TESK1: variants seen among roughly 807,000 people sequenced by gnomAD.
The protein encoded by TESK1 is dual specificity testis-specific protein kinase 1.
A neutral mutation model predicts 59.9 loss-of-function variants in TESK1; 18 were observed. The observed-to-expected ratio is 0.30, with a 90% CI of 0.21 to 0.45. The LOEUF is 0.45. TESK1 is among the 20% of genes least tolerant of loss of function. TESK1 has a pLI of 1.00. For missense variants in TESK1, 748 were observed against 840.9 expected (o/e 0.89, Z 1.37); for synonymous variants, 341 against 357.4 (o/e 0.95, Z 0.52).
In TESK1 at chr9:35,608,921, C is replaced by A; in HGVS notation, c.1060C>A (p.Arg354=). The A allele has an allele frequency of 6.2e-7, 1 of 1,613,078 alleles. No homozygotes were observed. Among genetic ancestry groups the A allele is most frequent in the Non-Finnish European group, 8.5e-7 (1 of 1,179,344 alleles). The change falls in exon 10 of 10, where the codon CGA becomes AGA. Residue 354 remains arginine, a synonymous_variant. Transcript: ENST00000336395. ...TLPRPDPRLS[R]SRSDLFLPPS... is the part of the protein sequence containing the mutation. Reference sequence around the variant, plus strand: ...TCCCAGGCCAGATCCCCGGCTTTCCCGAAGCCGGTCAGACCTCTTCCTGCC... The same window carrying A: ...TCCCAGGCCAGATCCCCGGCTTTCCAGAAGCCGGTCAGACCTCTTCCTGCC...
chr9:35,605,914 G>A, intron 1 of TESK1, 70 bp from the exon 2 acceptor site: 1 of 1,607,012 alleles, frequency 6.2e-7, no homozygotes, highest in African/African-American at 1.3e-5. Context: ...CCGGGAGTGC[G>A]GGGAAGAGGG....
At position 35,609,278 on chromosome 9, in the gene TESK1, A is replaced by G; in HGVS notation, c.1417A>G (p.Ser473Gly). The part of the protein sequence containing the change: ...SAEEKMECEG[S>G]SPEPEPPGPA... The stretch of plus-strand genomic sequence containing the variant: ...TGAAGAGAAGATGGAGTGCGAGGGC[A>G]GCAGCCCTGAGCCGGAACCTCCAGG... The change falls in exon 10 of 10, where the codon AGC (serine) becomes GGC (glycine). Residue 473 changes from serine (S) to glycine (G), a missense_variant. Around this residue, in one of 3 missense-constraint regions of TESK1, gnomAD observed 447 missense variants for 466.1 expected, o/e 0.96. Transcript: ENST00000336395. The surrounding 1 kb of genome is among the most constrained non-coding windows in gnomAD (Gnocchi z 6.7). The G allele has an allele frequency of 1.2e-6, 2 of 1,614,072 alleles. No homozygotes were observed. The highest frequency in any genetic ancestry group is 1.7e-6 in the Non-Finnish European group (2 of 1,180,004).
chr9:35,606,701 A>AT (rs1822855731), intron 3 of TESK1, 136 bp from the exon 4 acceptor site: 4 of 744,080 alleles, frequency 5.4e-6, no homozygotes, highest in Admixed American at 3.1e-5. Flanking sequence ...TAGAACATGG[A>AT]TGGGGGGGGT....
chr9:35,609,381 C>G lies in TESK1; in HGVS notation c.1520C>G (p.Ser507Cys). The G allele has an allele frequency of 6.2e-7, 1 of 1,611,368 alleles. No individual in the cohort carries two copies. The highest frequency in any genetic ancestry group is 8.5e-7 in the Non-Finnish European group (1 of 1,178,728). The change falls in exon 10 of 10, where the codon TCC (serine) becomes TGC (cysteine). Residue 507 changes from serine (S) to cysteine (C), a missense_variant. Ser to Cys is a moderately radical substitution (Grantham distance 112). Transcript: ENST00000336395. This position sits in a 1 kb window ranked among gnomAD's most constrained non-coding sequence, Gnocchi z 6.7. ...TGTTCCTCGGCCTCCCAACCCTGGT[C>G]CCCTAGATCAGGACCCGTCCTCAAT... ...STCSSASQPW[S>C]PRSGPVLNNN...
rs201893577 is a variant in TESK1, at chr9:35,607,555, C to T, written c.621-27C>T. The T allele has an allele frequency of 2.3e-3, 3,615 of 1,604,716 alleles. 18 individuals are homozygous for T. The highest frequency in any genetic ancestry group is 0.01 in the South Asian group (938 of 90,860). On this transcript the variant is annotated intron_variant, in intron 5 of 9. Transcript: ENST00000336395. The surrounding 1 kb of genome is among the most constrained non-coding windows in gnomAD (Gnocchi z 4.5). The stretch of plus-strand genomic sequence containing the variant: ...GGGGGGATGCCTGAATAGGATGCTT[C>T]TGACCACTCTGCCCCTGCCCCTGCA...
intron 3 of TESK1, 103 bp from the exon 4 acceptor site, chr9:35,606,734 A>G (rs542442102): frequency 2.7e-5 from 33 of 1,231,018 alleles, no homozygotes; most frequent in Middle Eastern, 5.3e-4. Flanking sequence ...TCTTACCCCT[A>G]TGACCTCTGT....
rs539437734 is a variant in TESK1, at chr9:35,607,217, G to A, written c.538-110G>A. On this transcript the variant is annotated intron_variant, in intron 4 of 9. Transcript: ENST00000336395. The surrounding 1 kb of genome is among the most constrained non-coding windows in gnomAD (Gnocchi z 4.5). ...TGAAGTGCCTTGAAAAACTGGGAGAGCAGAGAGGGTTGGAGTTATGCTGGA... is the reference window on the plus strand; with the variant it reads ...TGAAGTGCCTTGAAAAACTGGGAGAACAGAGAGGGTTGGAGTTATGCTGGA... 2 of 1,430,274 alleles carry A rather than the reference G, an allele frequency of 1.4e-6. No individual in the cohort carries two copies. The highest frequency in any genetic ancestry group is 2.3e-5 in the East Asian group (1 of 43,488). 88.6% of individuals were successfully genotyped at this position (1,430,274 alleles called of 1,614,324 possible).
Position 35,609,482 on chromosome 9 carries a change from C to G in TESK1, c.1621C>G (p.Leu541Val). ...GEPWNRAQHS[L>V]PRAAALERTE... is the part of the protein sequence containing the mutation. ...GCCCTGGAACCGGGCCCAGCATAGC[C>G]TGCCCCGGGCGGCAGCCCTGGAGCG... Residue 541 changes from leucine to valine, a missense_variant, in exon 10 of 10, where the codon CTG becomes GTG. This residue lies in a region of TESK1 where 447 missense variants were observed against 466.1 expected (regional missense o/e 0.96). Coordinates refer to ENST00000336395, the MANE Select transcript of TESK1 (RefSeq NM_006285.3). This position sits in a 1 kb window ranked among gnomAD's most constrained non-coding sequence, Gnocchi z 6.7. 1 of 1,604,416 alleles carries G rather than the reference C, an allele frequency of 6.2e-7. No homozygotes were observed. The highest frequency in any genetic ancestry group is 8.5e-7 in the Non-Finnish European group (1 of 1,174,726).
rs769192962 is a variant in TESK1 at position 35,609,328 on chromosome 9, T to A, written c.1467T>A (p.Ala489=). The change falls in exon 10 of 10, where the codon GCT becomes GCA. Residue 489 remains alanine (A), a synonymous_variant. Coordinates refer to ENST00000336395, the MANE Select transcript of TESK1 (RefSeq NM_006285.3). This position sits in a 1 kb window ranked among gnomAD's most constrained non-coding sequence, Gnocchi z 6.7. The part of the protein sequence containing the change: ...PPGPAPQLPL[A]VATDNFISTC... Reference sequence around the variant, plus strand: ...GGCCAGCGCCCCAGCTGCCTCTGGCTGTGGCCACAGACAACTTCATCAGCA... The same window carrying A: ...GGCCAGCGCCCCAGCTGCCTCTGGCAGTGGCCACAGACAACTTCATCAGCA... The A allele has an allele frequency of 5.6e-6, 9 of 1,613,738 alleles. No homozygotes were observed. The highest frequency in any genetic ancestry group is 8.5e-7 in the Non-Finnish European group (1 of 1,179,968).
Position 35,607,699 on chromosome 9 carries a change from A to G in TESK1, c.711+27A>G. 2 of 1,589,142 alleles carry G rather than the reference A, an allele frequency of 1.3e-6. No homozygotes were observed. Among genetic ancestry groups the G allele is most frequent in the Non-Finnish European group, 1.7e-6 (2 of 1,157,902 alleles). On this transcript the variant is annotated intron_variant, in intron 6 of 9. Transcript: ENST00000336395. The surrounding 1 kb of genome is among the most constrained non-coding windows in gnomAD (Gnocchi z 4.5). ...TGAGACATCAACCCTTCAGATCCCC[A>G]AGGCCTTCCGAGACCCTTGAGGTAT...
rs955875404 is a variant in TESK1 at position 35,609,843 on chromosome 9, C to G, written c.*101C>G. The G allele has an allele frequency of 1.5e-6, 2 of 1,347,960 alleles. No homozygotes were observed. Among genetic ancestry groups the G allele is most frequent in the Admixed American group, 2.8e-5 (1 of 35,588 alleles). 83.5% of individuals were successfully genotyped at this position (1,347,960 alleles called of 1,614,324 possible). ...CAGTGCCAGTTCCAGATGGGCTGAC[C>G]GGCTCTTCTCCCCGTGTAGGGGAGC... On this transcript the variant is annotated 3_prime_UTR_variant, in exon 10 of 10. Coordinates refer to ENST00000336395, the MANE Select transcript of TESK1 (RefSeq NM_006285.3). The surrounding 1 kb of genome is among the most constrained non-coding windows in gnomAD (Gnocchi z 6.7).
In TESK1 at chr9:35,609,643, C is replaced by T. The variant is rs767978520; in HGVS notation, c.1782C>T (p.Tyr594=). 1 of 1,608,468 alleles carries T rather than the reference C, an allele frequency of 6.2e-7. No homozygotes were observed. Among genetic ancestry groups the T allele is most frequent in the Middle Eastern group, 1.6e-4 (1 of 6,062 alleles). The change falls in exon 10 of 10, where the codon TAC becomes TAT. Residue 594 remains tyrosine (Y), a synonymous_variant. Coordinates refer to ENST00000336395, the MANE Select transcript of TESK1 (RefSeq NM_006285.3). This position sits in a 1 kb window ranked among gnomAD's most constrained non-coding sequence, Gnocchi z 6.7. The part of the protein sequence containing the change: ...CPRPTPAVAR[Y]RNLNCEAGSL... ...GCCCCACACCAGCTGTTGCCCGCTA[C>T]CGCAACCTGAACTGTGAGGCGGGCA...
chr9:35,610,031 C>T lies in TESK1; in HGVS notation c.*289C>T. On this transcript the variant is annotated 3_prime_UTR_variant, in exon 10 of 10. Coordinates refer to ENST00000336395, the MANE Select transcript of TESK1 (RefSeq NM_006285.3). ...CTGCCTGGCTGGCTCCGGGCCGCCC[C>T]TATCCGCTCAGCCCGTGCGCCCTCC... is the stretch of plus-strand genomic sequence containing the variant. The T allele has an allele frequency of 2.6e-6, 1 of 384,156 alleles. No homozygotes were observed. Among genetic ancestry groups the T allele is most frequent in the Non-Finnish European group, 4.7e-6 (1 of 214,368 alleles). The allele number at this position is 384,156 out of a possible 1,614,324, so 23.8% of individuals were successfully genotyped here.
rs1563892816 is a variant in TESK1, at chr9:35,609,467, CG to C, written c.1609del (p.Ala537ProfsTer61). On this transcript the variant is annotated frameshift_variant, in exon 10 of 10. Transcript: ENST00000336395. LOFTEE classifies it high-confidence loss of function. The surrounding 1 kb of genome is among the most constrained non-coding windows in gnomAD (Gnocchi z 6.7). The part of the protein sequence containing the change: ...PQGWAGEPWN[R>X]AQHSLPRAAA... Reference sequence around the variant, plus strand: ...AGGCTGGGCTGGGGAGCCCTGGAACCGGGCCCAGCATAGCCTGCCCCGGGCG... The same window carrying C: ...AGGCTGGGCTGGGGAGCCCTGGAACCGGCCCAGCATAGCCTGCCCCGGGCG... 1 of 1,606,170 alleles carries C rather than the reference CG, an allele frequency of 6.2e-7. No homozygotes were observed. Among genetic ancestry groups the C allele is most frequent in the Admixed American group, 1.7e-5 (1 of 59,300 alleles).
rs745783761 is a variant in TESK1 at position 35,608,889 on chromosome 9, C to G, written c.1028C>G (p.Ala343Gly). Residue 343 changes from alanine (A) to glycine (G), a missense_variant, in exon 10 of 10, where the codon GCC (alanine) becomes GGC (glycine). Ala to Gly is a moderately conservative substitution (Grantham distance 60). Coordinates refer to ENST00000336395, the MANE Select transcript of TESK1 (RefSeq NM_006285.3). ...QGSVARGGPSATLPRPDPRLS... is the reference protein window; with the variant it reads ...QGSVARGGPSGTLPRPDPRLS... ...TCTGTTGCAAGAGGGGGTCCCTCTG[C>G]CACGCTTCCCAGGCCAGATCCCCGG... 13 of 1,598,518 alleles carry G rather than the reference C, an allele frequency of 8.1e-6. No homozygotes were observed. The highest frequency in any genetic ancestry group is 1.1e-5 in the Non-Finnish European group (13 of 1,171,184).
chr9:35,607,794 C>T lies in TESK1; in HGVS notation c.711+122C>T. On this transcript the variant is annotated intron_variant, in intron 6 of 9. Coordinates refer to ENST00000336395, the MANE Select transcript of TESK1 (RefSeq NM_006285.3). This position sits in a 1 kb window ranked among gnomAD's most constrained non-coding sequence, Gnocchi z 4.5. ...TCAGGAGTCCCCAAGATCCCTTTGCCCCTCACAGGCACCCTTCTAACACAT... is the reference window on the plus strand; with the variant it reads ...TCAGGAGTCCCCAAGATCCCTTTGCTCCTCACAGGCACCCTTCTAACACAT... The T allele has an allele frequency of 7.9e-7, 1 of 1,261,664 alleles. No individual in the cohort carries two copies. The highest frequency in any genetic ancestry group is 2.1e-5 in the Admixed American group (1 of 48,676). The allele number at this position is 1,261,664 out of a possible 1,614,324, so 78.2% of individuals were successfully genotyped here.
Position 35,609,618 on chromosome 9 carries a change from G to A in TESK1, c.1757G>A (p.Arg586His), listed in dbSNP as rs773235606. Residue 586 changes from arginine (R) to histidine (H), a missense_variant, in exon 10 of 10, where the codon CGC (arginine) becomes CAC (histidine). Arg to His is a conservative substitution (Grantham distance 29). Around this residue, in one of 3 missense-constraint regions of TESK1, gnomAD observed 447 missense variants for 466.1 expected, o/e 0.96. Coordinates refer to ENST00000336395, the MANE Select transcript of TESK1 (RefSeq NM_006285.3). The surrounding 1 kb of genome is among the most constrained non-coding windows in gnomAD (Gnocchi z 6.7). ...FSFGFLSMCP[R>H]PTPAVARYRN... ...TTTGGCTTCCTGTCCATGTGCCCCC[G>A]CCCCACACCAGCTGTTGCCCGCTAC... 4.3e-5 allele frequency: 69 copies of A among 1,611,008 alleles called. No homozygotes were observed. Among genetic ancestry groups the A allele is most frequent in the Middle Eastern group, 1.6e-4 (1 of 6,082 alleles).
At position 35,609,208 on chromosome 9, in the gene TESK1, G is replaced by T. The variant is rs1822921113; in HGVS notation, c.1347G>T (p.Glu449Asp). The T allele has an allele frequency of 8.1e-6, 13 of 1,614,032 alleles. No homozygotes were observed. The highest frequency in any genetic ancestry group is 1.1e-5 in the Non-Finnish European group (13 of 1,180,030). Residue 449 changes from glutamate to aspartate, a missense_variant, in exon 10 of 10, where the codon GAG becomes GAT. Coordinates refer to ENST00000336395, the MANE Select transcript of TESK1 (RefSeq NM_006285.3). The surrounding 1 kb of genome is among the most constrained non-coding windows in gnomAD (Gnocchi z 6.7). ...CCCCCGAGCTCCCCCGCCGTATGGA[G>T]ACAGCACTGCCAGGTCCTGGCCCTC... ...PSSPELPRRM[E>D]TALPGPGPPA...
rs138246140 is a variant in TESK1 at position 35,609,527 on chromosome 9, C to A, written c.1666C>A (p.Pro556Thr). Residue 556 changes from proline to threonine, a missense_variant, in exon 10 of 10, where the codon CCT becomes ACT. By Grantham distance (38) the Pro-to-Thr change is conservative (BLOSUM62 -1). Coordinates refer to ENST00000336395, the MANE Select transcript of TESK1 (RefSeq NM_006285.3). The surrounding 1 kb of genome is among the most constrained non-coding windows in gnomAD (Gnocchi z 6.7). ...GGAGCGGACAGAACCCTCGCCACCC[C>A]CTTCAGCTCCCCGGGAGCCCGATGA... ...ALERTEPSPP[P>T]SAPREPDEGL... 2.5e-6 allele frequency: 4 copies of A among 1,611,496 alleles called. No individual in the cohort carries two copies. Among genetic ancestry groups the A allele is most frequent in the Middle Eastern group, 1.7e-4 (1 of 6,052 alleles).
Sources: gnomAD v4.1 joint callset for allele counts on GRCh38, gnomAD v4.1.1 for gene constraint, gnomAD v4.1.1 regional missense constraint, Gnocchi (gnomAD v3.1) non-coding constraint, MANE v1.5 for transcripts, NCBI Gene and HGNC (gene_info 2026-07-23, HGNC 2026-07-21) for gene names.